ZNF215: variants seen among roughly 807,000 people sequenced by gnomAD.
ZNF215 encodes the protein zinc finger protein 215.
In ZNF215, 24 loss-of-function variants were observed where a neutral mutation model predicts 27.2. That is an observed-to-expected ratio of 0.88 (90% CI 0.64 to 1.24). The LOEUF is 1.24. ZNF215 is among the 50% of genes most tolerant of loss of function. The pLI is 0.00. For missense variants in ZNF215, 675 were observed against 605.7 expected (o/e 1.11, Z -1.20); for synonymous variants, 210 against 204.0 (o/e 1.03, Z -0.25).
intron 5 of ZNF215, among the ~76,000 whole-genome samples, chr11:6,964,820 C>T (rs1230767337): frequency 6.6e-6 from 1 of 151,678 alleles, no homozygotes; most frequent in Admixed American, 6.6e-5. Context: ...TAAAGATCTT[C>T]TTTTGTATAT....
At chr11:6,969,498 A>T (rs1215087079) in intron 5 of ZNF215, among the ~76,000 whole-genome samples, 1 of 152,186 alleles carries the variant, frequency 6.6e-6, no homozygotes, top group East Asian at 1.9e-4. Context: ...GTGTACAAAT[A>T]ACTTGAATGT....
intron 5 of ZNF215, among the ~76,000 whole-genome samples, chr11:6,966,642 A>G (rs1313250513): frequency 6.6e-6 from 1 of 151,902 alleles, no homozygotes; most frequent in Admixed American, 6.6e-5. Context: ...CATAACTTGT[A>G]TTCTCCATTT....
intron 3 of ZNF215, among the ~76,000 whole-genome samples, chr11:6,934,809 T>C (rs1849379196): frequency 6.6e-6 from 1 of 152,186 alleles, no homozygotes; most frequent in South Asian, 2.1e-4. Context: ...ATCCAAGGAC[T>C]AAGACATGGA....
chr11:6,985,818 A>T (rs1851045516), downstream of ZNF215, among the ~76,000 whole-genome samples: 1 of 152,292 alleles, frequency 6.6e-6, no homozygotes, highest in African/African-American at 2.4e-5. Context: ...ACCTAAGAAT[A>T]CAGAGAGCCA....
chr11:6,993,300 G>A (rs1851139051), downstream of ZNF215, among the ~76,000 whole-genome samples: 1 of 152,088 alleles, frequency 6.6e-6, no homozygotes, highest in South Asian at 2.1e-4. Flanking sequence ...AGACCCAAGA[G>A]TTCTCTCTTA....
chr11:6,969,945 T>A (rs1439358643), intron 5 of ZNF215, among the ~76,000 whole-genome samples: 1 of 152,136 alleles, frequency 6.6e-6, no homozygotes, highest in Non-Finnish European at 1.5e-5. Flanking sequence ...CATGCCTGGC[T>A]AATTTTTTGT....
At chr11:6,986,446 C>T (rs776073623), downstream of ZNF215, among the ~76,000 whole-genome samples, 4 of 151,938 alleles carry the variant, frequency 2.6e-5, no homozygotes, top group Non-Finnish European at 5.9e-5. Context: ...ACCTAGGAAA[C>T]ACCCTTCTTG....
At chr11:6,980,132 A>G (rs1850917642) in intron 5 of ZNF215, among the ~76,000 whole-genome samples, 1 of 152,126 alleles carries the variant, frequency 6.6e-6, no homozygotes, top group South Asian at 2.1e-4. Flanking sequence ...TCAATCAGTT[A>G]ACAAATCCCA....
Position 6,943,642 on chromosome 11 carries a change from G to GT in ZNF215, c.712+2dup, listed in dbSNP as rs1564952866. The GT allele has an allele frequency of 1.2e-6, 2 of 1,608,794 alleles. No homozygotes were observed. Among genetic ancestry groups the GT allele is most frequent in the Non-Finnish European group, 8.5e-7 (1 of 1,175,322 alleles). On this transcript the variant is annotated splice_donor_variant, in intron 6 of 6. Transcript: ENST00000278319. LOFTEE classifies it high-confidence loss of function. ...GAAATACCAAGGAAGACTATTTTTGGTAAGAACCAGGTAGATATGAGGCCA... is the reference window on the plus strand; with the variant it reads ...GAAATACCAAGGAAGACTATTTTTGGTTAAGAACCAGGTAGATATGAGGCCA...
chr11:6,948,822 A>G (rs1011237643), intron 6 of ZNF215, among the ~76,000 whole-genome samples: 2 of 151,878 alleles, frequency 1.3e-5, no homozygotes, highest in East Asian at 3.9e-4. Context: ...ACTTGTATAC[A>G]TGTGCCATGC....
At chr11:6,973,398 T>C (rs552815194) in intron 5 of ZNF215, among the ~76,000 whole-genome samples, 131 of 152,340 alleles carry the variant, frequency 8.6e-4, no homozygotes, top group Non-Finnish European at 1.7e-3. Context: ...TTATAATCCT[T>C]TGGGTATATA....
chr11:6,987,756 A>G (rs2857907), downstream of ZNF215, among the ~76,000 whole-genome samples: 86,507 of 151,872 alleles, frequency 0.57, 24,922 homozygotes, highest in East Asian at 0.68. Flanking sequence ...GTCTCTAGTA[A>G]CCAGTCAGTT....
Position 6,943,545 on chromosome 11 carries a change from G to T in ZNF215, c.617-1G>T. 3.1e-6 allele frequency: 5 copies of T among 1,612,544 alleles called. No individual in the cohort carries two copies. Among genetic ancestry groups the T allele is most frequent in the Non-Finnish European group, 4.2e-6 (5 of 1,178,926 alleles). On this transcript the variant is annotated splice_acceptor_variant, in intron 5 of 6. Transcript: ENST00000278319. LOFTEE classifies it high-confidence loss of function. ...GTTCTTTTTATTTTCTCCATGAACAGCACATCTACTTTCCAAACCATTTGA... is the reference window on the plus strand; with the variant it reads ...GTTCTTTTTATTTTCTCCATGAACATCACATCTACTTTCCAAACCATTTGA...
chr11:6,955,567 G>A, intron 6 of ZNF215, 123 bp from the exon 7 acceptor site: 1 of 1,010,124 alleles, frequency 9.9e-7, no homozygotes, highest in South Asian at 3.6e-5. Context: ...TTCTAACCTT[G>A]CCTCACATTT....
At chr11:6,986,025 T>C (rs1251507063), downstream of ZNF215, among the ~76,000 whole-genome samples, 1 of 152,102 alleles carries the variant, frequency 6.6e-6, no homozygotes, top group Non-Finnish European at 1.5e-5. Flanking sequence ...TAGAAAAAAC[T>C]ATTCTGAAAT....
intron 5 of ZNF215, among the ~76,000 whole-genome samples, chr11:6,981,105 A>G (rs1268448285): frequency 2.6e-4 from 40 of 151,644 alleles, no homozygotes; most frequent in African/African-American, 9.4e-4. Context: ...CATGATTTAT[A>G]GTCCTTTGGG....
chr11:6,991,535 A>C (rs1430793952), downstream of ZNF215, among the ~76,000 whole-genome samples: 1 of 152,090 alleles, frequency 6.6e-6, no homozygotes, highest in Admixed American at 6.6e-5. Flanking sequence ...TCACCCCTAC[A>C]CACCCGCAAC....
At chr11:6,969,208 C>T (rs1187824933) in intron 5 of ZNF215, among the ~76,000 whole-genome samples, 1 of 152,140 alleles carries the variant, frequency 6.6e-6, no homozygotes, top group Non-Finnish European at 1.5e-5. Flanking sequence ...ATTAGAATCT[C>T]AGTAACAGTG....
At chr11:6,983,754 A>G (rs1447147882) in intron 5 of ZNF215, among the ~76,000 whole-genome samples, 1 of 152,154 alleles carries the variant, frequency 6.6e-6, no homozygotes, top group Admixed American at 6.5e-5. Flanking sequence ...ACTGGGAGAA[A>G]TAGTTTCATT....
Sources: allele counts gnomAD v4.1 joint callset (sites outside exome capture counted in the v4.1 genomes callset), GRCh38; gene constraint gnomAD v4.1.1; transcripts MANE v1.5; gene names NCBI Gene and HGNC (gene_info 2026-07-23, HGNC 2026-07-21).